SPON1: variants seen among roughly 807,000 people sequenced by gnomAD.
SPON1 encodes the protein spondin 1, also known as spondin-1.
Under a neutral mutation model 111.7 loss-of-function variants are expected in SPON1, and 52 were observed. That is an observed-to-expected ratio of 0.47 (90% confidence interval 0.37 to 0.59). The LOEUF (loss-of-function observed/expected upper bound fraction) is 0.59, where lower values mean the gene tolerates loss of function less well. Ranked by LOEUF, SPON1 falls within the 20% of genes least tolerant of loss-of-function variation. The pLI is 0.00. For synonymous variants in SPON1, 410 were observed against 395.8 expected (o/e 1.04, Z -0.43); for missense variants, 957 against 1,068.5 (o/e 0.90, Z 1.46).
intron 3 of SPON1, among the ~76,000 whole-genome samples, chr11:14,069,765 A>T (rs572054602): frequency 6.6e-6 from 1 of 152,126 alleles, no homozygotes; most frequent in South Asian, 2.1e-4. Context: ...TTTTGCAGTC[A>T]TGGTAGATGA....
At chr11:13,975,518 AG>A (rs1422292274) in intron 1 of SPON1, among the ~76,000 whole-genome samples, 2 of 152,230 alleles carry the variant, frequency 1.3e-5, no homozygotes, top group African/African-American at 4.8e-5. Context: ...ACAGGTTATT[AG>A]GGGAGACAAG....
intron 8 of SPON1, 44 bp downstream of exon 8, chr11:14,254,773 C>A: frequency 6.3e-7 from 1 of 1,583,464 alleles, no homozygotes; most frequent in Non-Finnish European, 8.6e-7. Flanking sequence ...CTTGCCTACC[C>A]GCTTCCTGAG....
At chr11:14,263,417 T>A (rs1420842425) in intron 15 of SPON1, among the ~76,000 whole-genome samples, 1 of 152,196 alleles carries the variant, frequency 6.6e-6, no homozygotes, top group Non-Finnish European at 1.5e-5. Context: ...ATTTAGGGAA[T>A]GTTCCTGAGA....
At chr11:14,024,565 G>A (rs1240127603) in intron 2 of SPON1, among the ~76,000 whole-genome samples, 1 of 152,162 alleles carries the variant, frequency 6.6e-6, no homozygotes, top group East Asian at 1.9e-4. Context: ...GTCTGCCAGT[G>A]TCTGCTGGTG....
chr11:14,000,719 G>A (rs1020075307), intron 2 of SPON1, among the ~76,000 whole-genome samples: 2 of 151,648 alleles, frequency 1.3e-5, no homozygotes, highest in Non-Finnish European at 2.9e-5. Context: ...GAAGATACAT[G>A]TGCATCACAT....
chr11:14,101,851 C>T (rs1849146535), intron 5 of SPON1, among the ~76,000 whole-genome samples: 1 of 152,104 alleles, frequency 6.6e-6, no homozygotes, highest in African/African-American at 2.4e-5. Context: ...TATTATAAAC[C>T]TTTATGTTGA....
Position 13,962,757 on chromosome 11 carries a change from C to A in SPON1, c.-148C>A. On this transcript the variant is annotated 5_prime_UTR_variant, in exon 1 of 16. Coordinates refer to ENST00000576479, the MANE Select transcript of SPON1 (RefSeq NM_006108.4). ...CAGCTCCGCGGCCGCCAAGCCGAGGCGGGCACGGTCTCCGAGTCGCGGACG... is the reference window on the plus strand; with the variant it reads ...CAGCTCCGCGGCCGCCAAGCCGAGGAGGGCACGGTCTCCGAGTCGCGGACG... The A allele has an allele frequency of 1.4e-6, 1 of 699,202 alleles. No individual in the cohort carries two copies. The highest frequency in any genetic ancestry group is 2.2e-6 in the Non-Finnish European group (1 of 455,446). The allele number at this position is 699,202 out of a possible 1,614,324, so 43.3% of individuals were successfully genotyped here.
intron 5 of SPON1, among the ~76,000 whole-genome samples, chr11:14,100,508 C>T (rs1849135123): frequency 6.6e-6 from 1 of 151,958 alleles, no homozygotes; most frequent in Non-Finnish European, 1.5e-5. Context: ...ATGTAAGACA[C>T]GTACTTATGT....
At chr11:14,127,406 T>C (rs1847472973) in intron 5 of SPON1, among the ~76,000 whole-genome samples, 1 of 151,980 alleles carries the variant, frequency 6.6e-6, no homozygotes, top group African/African-American at 2.4e-5. Context: ...CTTGTCCCCA[T>C]TCCCCCTACC....
In SPON1 at chr11:14,259,348, A is replaced by C. The variant is rs782256779; in HGVS notation, c.1561A>C (p.Met521Leu). Residue 521 changes from methionine (M) to leucine (L), a missense_variant, in exon 12 of 16, where the codon ATG becomes CTG. This residue lies in a region of SPON1 where 549 missense variants were observed against 606.2 expected (regional missense o/e 0.91). Coordinates refer to ENST00000576479, the MANE Select transcript of SPON1 (RefSeq NM_006108.4). This position sits in a 1 kb window ranked among gnomAD's most constrained non-coding sequence, Gnocchi z 5.0. ...CTGCAGCATCTCCTGCGGCATGGGCATGAGGTCCCGGGAGAGGTATGTGAA... is the reference window on the plus strand; with the variant it reads ...CTGCAGCATCTCCTGCGGCATGGGCCTGAGGTCCCGGGAGAGGTATGTGAA... ...SPCSISCGMG[M>L]RSRERYVKQF... is the part of the protein sequence containing the mutation. 3.1e-6 allele frequency: 5 copies of C among 1,612,978 alleles called. No homozygotes were observed. Among genetic ancestry groups the C allele is most frequent in the Non-Finnish European group, 4.2e-6 (5 of 1,179,628 alleles).
chr11:14,250,334 GATCTGGTT>G lies in SPON1; in HGVS notation c.891-4191_891-4184del, dbSNP rs201291252. On this transcript the variant is annotated intron_variant, in intron 7 of 15. Coordinates refer to ENST00000576479, the MANE Select transcript of SPON1 (RefSeq NM_006108.4). The stretch of plus-strand genomic sequence containing the variant: ...ATCTGAAAGCTTTATTTTTTTCTAT[GATCTGGTT>G]ATTTTCTATTTGACTCTGGGTCTGT... Among the ~76,000 whole-genome samples, 1,289 of 147,182 alleles carry G rather than the reference GATCTGGTT, an allele frequency of 8.8e-3. 75 individuals are homozygous for G. The highest frequency in any genetic ancestry group is 0.082 in the Admixed American group (1,216 of 14,910).
intron 3 of SPON1, among the ~76,000 whole-genome samples, chr11:14,048,988 GA>G (rs1554918156): frequency 1.3e-5 from 2 of 152,202 alleles, no homozygotes. Flanking sequence ...AGACGTAAGA[GA>G]CAAGAGCCAG....
At position 13,962,994 on chromosome 11, in the gene SPON1, C is replaced by T. The variant is rs782235900; in HGVS notation, c.90C>T (p.Ser30=). Residue 30 remains serine (S), a synonymous_variant, in exon 1 of 16, where the codon TCC becomes TCT. Coordinates refer to ENST00000576479, the MANE Select transcript of SPON1 (RefSeq NM_006108.4). ...CCCTGGCCGCGGCGCTGGCCTTCTC[C>T]GACGAGACCCTGGACAAAGTGCCCA... ...ALPLAAALAF[S]DETLDKVPKS... 3.1e-6 allele frequency: 5 copies of T among 1,595,542 alleles called. No homozygotes were observed. Among genetic ancestry groups the T allele is most frequent in the Non-Finnish European group, 3.4e-6 (4 of 1,172,602 alleles).
chr11:14,159,182 GA>G (rs1274913355), intron 6 of SPON1, among the ~76,000 whole-genome samples: 1 of 152,066 alleles, frequency 6.6e-6, no homozygotes, highest in Non-Finnish European at 1.5e-5. Flanking sequence ...AAGATGTCAT[GA>G]ATTGATGCCA....
chr11:13,978,675 A>T (rs1026669147), intron 1 of SPON1, among the ~76,000 whole-genome samples: 3 of 152,164 alleles, frequency 2.0e-5, no homozygotes, highest in Non-Finnish European at 2.9e-5. Context: ...GCAGGTCTTT[A>T]TGGGGAAATC....
At chr11:14,096,734 A>C (rs1849104479) in intron 5 of SPON1, among the ~76,000 whole-genome samples, 2 of 151,030 alleles carry the variant, frequency 1.3e-5, no homozygotes, top group African/African-American at 4.9e-5. Context: ...TCCTTATTGC[A>C]CTCCTTTGAC....
chr11:14,025,945 T>C (rs1418624997), intron 2 of SPON1, among the ~76,000 whole-genome samples: 3 of 152,184 alleles, frequency 2.0e-5, no homozygotes, highest in Admixed American at 2.0e-4. Flanking sequence ...TCCCTTCCTG[T>C]TATGTTCTTT....
At chr11:13,987,712 T>G (rs1554910606) in intron 2 of SPON1, among the ~76,000 whole-genome samples, 1 of 152,240 alleles carries the variant, frequency 6.6e-6, no homozygotes, top group Non-Finnish European at 1.5e-5. Context: ...CTGATCCACC[T>G]TGAGCTGATT....
chr11:14,115,155 T>C (rs973304104), intron 5 of SPON1, among the ~76,000 whole-genome samples: 2 of 152,156 alleles, frequency 1.3e-5, no homozygotes, highest in Non-Finnish European at 2.9e-5. Flanking sequence ...AAGGAAACTT[T>C]CAGTTTTCAT....
Sources: gnomAD v4.1 joint callset for allele counts (sites outside exome capture counted in the v4.1 genomes callset) on GRCh38, gnomAD v4.1.1 for gene constraint, gnomAD v4.1.1 regional missense constraint, Gnocchi (gnomAD v3.1) non-coding constraint, MANE v1.5 for transcripts, NCBI Gene and HGNC (gene_info 2026-07-23, HGNC 2026-07-21) for gene names.